Variants in DNAJA2 observed in about 807,000 individuals in gnomAD.
DNAJA2 encodes DnaJ heat shock protein family (Hsp40) member A2.
In DNAJA2, 6 loss-of-function variants were observed where a neutral mutation model predicts 49.3. That is an observed-to-expected ratio of 0.12 (90% CI 0.07 to 0.24). The LOEUF is 0.24. DNAJA2 is among the 10% of genes least tolerant of loss of function. DNAJA2 has a pLI of 1.00. For missense variants in DNAJA2, 347 were observed against 516.8 expected (o/e 0.67, Z 3.19); for synonymous variants, 160 against 172.7 (o/e 0.93, Z 0.58).
Position 46,955,372 on chromosome 16 carries a change from T to C in DNAJA2, c.*1657A>G, listed in dbSNP as rs1961794862. On this transcript the variant is annotated 3_prime_UTR_variant, in exon 9 of 9. Coordinates refer to ENST00000317089, the MANE Select transcript of DNAJA2 (RefSeq NM_005880.4). The stretch of plus-strand genomic sequence containing the variant: ...CAGACTACACTGAACAACTGTTTTA[T>C]AAACCTTTATTGGAAAGGCTACAAA... 1 of 152,246 alleles carries C rather than the reference T, an allele frequency of 6.6e-6. No individual in the cohort carries two copies. The highest frequency in any genetic ancestry group is 2.4e-5 in the African/African-American group (1 of 41,476). 9.4% of individuals were successfully genotyped at this position (152,246 alleles called of 1,614,324 possible). A position where few individuals can be genotyped will look rare whatever the true frequency, so the allele number is the denominator to read the frequency against.
At chr16:46,961,576 T>G (rs1277677800) in intron 6 of DNAJA2, among the ~76,000 whole-genome samples, 3 of 68,176 alleles carry the variant, frequency 4.4e-5, no homozygotes, top group Non-Finnish European at 1.0e-4. Context: ...AGGGCAAGAC[T>G]GTCTCAAAAA....
chr16:46,959,233 A>C, intron 7 of DNAJA2, 42 bp downstream of exon 7: 1 of 1,581,988 alleles, frequency 6.3e-7, no homozygotes, highest in Non-Finnish European at 8.6e-7. Flanking sequence ...AATTTTTTTC[A>C]AAAATACTTG....
rs186339002 is a variant in DNAJA2 at position 46,959,039 on chromosome 16, A to G, written c.1011T>C (p.Phe337=). The part of the protein sequence containing the change: ...GDLYIKFDVQ[F]PENNWINPDK... Reference sequence around the variant, plus strand: ...CTGGGTTGATCCAGTTGTTTTCAGGAAACTGCACATCAAACTTTATGTAAA... The same window carrying G: ...CTGGGTTGATCCAGTTGTTTTCAGGGAACTGCACATCAAACTTTATGTAAA... The change falls in exon 8 of 9, where the codon TTT becomes TTC. Residue 337 remains phenylalanine, a synonymous_variant. Transcript: ENST00000317089. 9.3e-5 allele frequency: 150 copies of G among 1,610,264 alleles called. No individual in the cohort carries two copies. The highest frequency in any genetic ancestry group is 1.9e-4 in the Admixed American group (11 of 59,110).
In DNAJA2 at chr16:46,971,431, C is replaced by G; in HGVS notation, c.280G>C (p.Gly94Arg). 2 of 1,614,128 alleles carry G rather than the reference C, an allele frequency of 1.2e-6. No homozygotes were observed. The change falls in exon 3 of 9, where the codon GGG (glycine) becomes CGG (arginine). Residue 94 changes from glycine to arginine, a missense_variant. Gly to Arg is a moderately radical substitution (Grantham distance 125). Coordinates refer to ENST00000317089, the MANE Select transcript of DNAJA2 (RefSeq NM_005880.4). ...MDDIFSHIFG[G>R]GLFGFMGNQS... ...TTGCCCATGAAGCCGAACAATCCCC[C>G]ACCAAAAATGTGAGAGAAAATATCA...
intron 5 of DNAJA2, among the ~76,000 whole-genome samples, chr16:46,967,042 C>T (rs1174804209): frequency 6.6e-6 from 1 of 152,180 alleles, no homozygotes; most frequent in Non-Finnish European, 1.5e-5. Flanking sequence ...TACTGTTTCT[C>T]TATGTTCACT....
chr16:46,971,636 C>T, intron 2 of DNAJA2, 64 bp from the exon 3 acceptor site: 1 of 767,946 alleles, frequency 1.3e-6, no homozygotes, highest in Non-Finnish European at 2.0e-6. Context: ...GGAGAAGCTA[C>T]AGGAATCCAG....
At chr16:46,963,951 TAA>T in intron 6 of DNAJA2, among the ~76,000 whole-genome samples, 1 of 152,238 alleles carries the variant, frequency 6.6e-6, no homozygotes, top group Middle Eastern at 3.4e-3. Context: ...TACCTATGGT[TAA>T]AGTGTTAGTC....
At chr16:46,970,462 G>A (rs948546689) in intron 3 of DNAJA2, among the ~76,000 whole-genome samples, 1 of 152,176 alleles carries the variant, frequency 6.6e-6, no homozygotes, top group Non-Finnish European at 1.5e-5. Flanking sequence ...AAGAAAATAG[G>A]CTGGGCGCAG....
intron 3 of DNAJA2, 77 bp from the exon 4 acceptor site, chr16:46,968,241 A>G: frequency 3.2e-6 from 3 of 937,906 alleles, no homozygotes; most frequent in Non-Finnish European, 4.9e-6. Flanking sequence ...CAGCTGATAC[A>G]GCAAATTCGT....
chr16:46,957,962 GCA>G (rs1278601052), intron 8 of DNAJA2, among the ~76,000 whole-genome samples: 22 of 151,922 alleles, frequency 1.4e-4, no homozygotes, highest in Admixed American at 1.4e-3. Context: ...ATTTACACCA[GCA>G]ATACCCCATT....
chr16:46,964,481 CA>C, intron 6 of DNAJA2, 129 bp downstream of exon 6: 1 of 822,788 alleles, frequency 1.2e-6, no homozygotes, highest in Non-Finnish European at 1.8e-6. Flanking sequence ...AGGAACTCAC[CA>C]TGATGCCCTT....
intron 6 of DNAJA2, among the ~76,000 whole-genome samples, chr16:46,960,383 A>G (rs117035113): frequency 1.1e-4 from 16 of 152,332 alleles, no homozygotes; most frequent in Non-Finnish European, 2.1e-4. Context: ...TGTGTGTGCT[A>G]AAGTTTGAGA....
At chr16:46,961,457 G>A (rs1961894280) in intron 6 of DNAJA2, among the ~76,000 whole-genome samples, 1 of 151,968 alleles carries the variant, frequency 6.6e-6, no homozygotes, top group Non-Finnish European at 1.5e-5. Context: ...GGGAGGCCGA[G>A]GTAGGCAGAT....
chr16:46,971,387 A>G lies in DNAJA2; in HGVS notation c.324T>C (p.Asn108=), dbSNP rs1020301699. 1 of 1,613,856 alleles carries G rather than the reference A, an allele frequency of 6.2e-7. No individual in the cohort carries two copies. The highest frequency in any genetic ancestry group is 8.5e-7 in the Non-Finnish European group (1 of 1,180,006). Residue 108 remains asparagine, a synonymous_variant, in exon 3 of 9, where the codon AAT becomes AAC. Transcript: ENST00000317089. ...GFMGNQSRSR[N]GRRRGEDMMH... ...TCATGTCCTCTCCTCTTCTTCTGCC[A>G]TTTCGACTTCTACTCTGATTGCCCA...
chr16:46,973,337 G>A (rs1223661639), intron 1 of DNAJA2, among the ~76,000 whole-genome samples, 158 bp downstream of exon 1: 1 of 150,772 alleles, frequency 6.6e-6, no homozygotes, highest in Non-Finnish European at 1.5e-5. Context: ...GCGGCTCGCG[G>A]CGAGGCCGGT....
chr16:46,965,647 AC>A (rs1477929807), intron 5 of DNAJA2, among the ~76,000 whole-genome samples: 4 of 149,116 alleles, frequency 2.7e-5, no homozygotes, highest in Non-Finnish European at 6.0e-5. Context: ...CCTGGCCAAC[AC>A]GGCAAAACCC....
chr16:46,970,123 C>T (rs1945661727), intron 3 of DNAJA2, among the ~76,000 whole-genome samples: 1 of 152,184 alleles, frequency 6.6e-6, no homozygotes, highest in South Asian at 2.1e-4. Context: ...ACCTGAACTT[C>T]GGCCACTGAC....
At chr16:46,958,929 G>A (rs1447598493) in intron 8 of DNAJA2, 74 bp downstream of exon 8, 3 of 1,506,294 alleles carry the variant, frequency 2.0e-6, no homozygotes, top group Non-Finnish European at 2.7e-6. Context: ...GGGTGACAGA[G>A]ACCCTGTCTA....
intron 8 of DNAJA2, 34 bp downstream of exon 8, chr16:46,958,968 GA>G: frequency 1.3e-6 from 2 of 1,556,028 alleles, no homozygotes; most frequent in Non-Finnish European, 8.7e-7. Context: ...TCCAAACTTG[GA>G]AGTCAACTGT....
Sources: allele counts gnomAD v4.1 joint callset (sites outside exome capture counted in the v4.1 genomes callset), GRCh38; gene constraint gnomAD v4.1.1; transcripts MANE v1.5; gene names NCBI Gene and HGNC (gene_info 2026-07-23, HGNC 2026-07-21).